KCNH7: variants seen among roughly 807,000 people sequenced by gnomAD.
KCNH7 encodes potassium voltage-gated channel subfamily H member 7.
In KCNH7, 49 loss-of-function variants were observed where a neutral mutation model predicts 120.8. The ratio of observed to expected loss-of-function variants is 0.41; its 90% confidence interval spans 0.32 to 0.51. KCNH7 has a LOEUF of 0.51. KCNH7 is among the 20% of genes least tolerant of loss of function. KCNH7 has a pLI of 0.38. For synonymous variants in KCNH7, 547 were observed against 516.1 expected (o/e 1.06, Z -0.81); for missense variants, 1,097 against 1,446.6 (o/e 0.76, Z 3.92).
intron 4 of KCNH7, 84 bp from the exon 5 acceptor site, chr2:162,512,758 A>G (rs562368795): frequency 7.7e-6 from 8 of 1,033,008 alleles, no homozygotes; most frequent in Non-Finnish European, 1.1e-5. Flanking sequence ...TACCTGTATA[A>G]AAACAATCAG....
At chr2:162,461,876 C>T (rs1689158282) in intron 6 of KCNH7, among the ~76,000 whole-genome samples, 1 of 152,126 alleles carries the variant, frequency 6.6e-6, no homozygotes, top group African/African-American at 2.4e-5. Flanking sequence ...GAAAATGGAA[C>T]ATCTGATGGG....
chr2:162,674,088 AAAG>A (rs1286661931), intron 2 of KCNH7, among the ~76,000 whole-genome samples: 2 of 151,912 alleles, frequency 1.3e-5, no homozygotes, highest in African/African-American at 2.4e-5. Context: ...ATGAATTGAA[AAAG>A]AAGAATTTGC....
At chr2:162,646,041 A>G (rs1684348515) in intron 2 of KCNH7, among the ~76,000 whole-genome samples, 1 of 152,208 alleles carries the variant, frequency 6.6e-6, no homozygotes, top group Admixed American at 6.5e-5. Flanking sequence ...TATACAATCC[A>G]TGTGGTCAAA....
chr2:162,743,141 A>T (rs1439799709), intron 2 of KCNH7, among the ~76,000 whole-genome samples: 1 of 152,098 alleles, frequency 6.6e-6, no homozygotes, highest in East Asian at 1.9e-4. Flanking sequence ...ATACCTCTGT[A>T]TGACAGAGTC....
intron 4 of KCNH7, 26 bp downstream of exon 4, chr2:162,517,704 T>G: frequency 6.6e-7 from 1 of 1,517,888 alleles, no homozygotes; most frequent in Non-Finnish European, 8.9e-7. Flanking sequence ...AATATATGTT[T>G]CCATTTAAAA....
rs1439606170 is a variant in KCNH7 at position 162,820,208 on chromosome 2, T to TG, written c.307+16328_307+16329insC. 2.0e-3 allele frequency among the ~76,000 whole-genome samples: 267 copies of TG among 132,380 alleles called. 1 individual carries two copies. Among genetic ancestry groups the TG allele is most frequent in the Admixed American group, 3.4e-3 (42 of 12,376 alleles). The allele number at this position is 132,380 out of a possible 152,430, so 86.8% of individuals were successfully genotyped here. On this transcript the variant is annotated intron_variant, in intron 2 of 15. Transcript: ENST00000332142. ...GCGCCCAGCACCACGCCCGGCTAAT[T>TG]TTGTGTGTGTGTGTGTGTGTGTGTG...
intron 2 of KCNH7, among the ~76,000 whole-genome samples, chr2:162,766,577 T>C (rs1682817659): frequency 6.6e-6 from 1 of 152,168 alleles, no homozygotes; most frequent in Admixed American, 6.6e-5. Flanking sequence ...GTTTGTTTGA[T>C]TCCTATTTAT....
intron 8 of KCNH7, among the ~76,000 whole-genome samples, chr2:162,431,971 C>G (rs1688085586): frequency 6.6e-6 from 1 of 151,866 alleles, no homozygotes; most frequent in Non-Finnish European, 1.5e-5. Context: ...ACGTATTTTA[C>G]TTAATCCTCA....
At chr2:162,688,988 G>A (rs1574268743) in intron 2 of KCNH7, among the ~76,000 whole-genome samples, 1 of 152,046 alleles carries the variant, frequency 6.6e-6, no homozygotes, top group African/African-American at 2.4e-5. Flanking sequence ...TACCTTGACA[G>A]AGTTGTAAAT....
intron 2 of KCNH7, among the ~76,000 whole-genome samples, chr2:162,753,340 T>C (rs1688673707): frequency 6.6e-6 from 1 of 152,136 alleles, no homozygotes; most frequent in Non-Finnish European, 1.5e-5. Flanking sequence ...AATGGACACA[T>C]ACACAATTTT....
intron 6 of KCNH7, among the ~76,000 whole-genome samples, chr2:162,481,798 ATGTGCAGTTTATT>A (rs1689936754): frequency 6.6e-6 from 1 of 152,214 alleles, no homozygotes; most frequent in Non-Finnish European, 1.5e-5. Context: ...ATTAAATAAA[ATGTGCAGTTTATT>A]TAGCCCAATT....
chr2:162,760,802 T>G (rs1688942421), intron 2 of KCNH7, among the ~76,000 whole-genome samples: 1 of 152,122 alleles, frequency 6.6e-6, no homozygotes, highest in African/African-American at 2.4e-5. Context: ...ATATGCTTTA[T>G]TGAATACTTA....
intron 2 of KCNH7, among the ~76,000 whole-genome samples, chr2:162,687,982 AC>A (rs1409445993): frequency 1.3e-5 from 2 of 152,186 alleles, no homozygotes; most frequent in African/African-American, 4.8e-5. Context: ...AAGCAAATTT[AC>A]TAGTGATAAT....
At chr2:162,514,777 G>C (rs1313365252) in intron 4 of KCNH7, among the ~76,000 whole-genome samples, 1 of 151,776 alleles carries the variant, frequency 6.6e-6, no homozygotes, top group Non-Finnish European at 1.5e-5. Flanking sequence ...AAGATGGTTT[G>C]AAAAGTATGG....
intron 15 of KCNH7, among the ~76,000 whole-genome samples, chr2:162,372,882 G>A (rs1214117054): frequency 6.6e-6 from 1 of 152,110 alleles, no homozygotes; most frequent in Non-Finnish European, 1.5e-5. Flanking sequence ...GCAGGATAAA[G>A]GACTCTTTAA....
chr2:162,601,021 T>C (rs1423071903), intron 2 of KCNH7, among the ~76,000 whole-genome samples: 1 of 152,142 alleles, frequency 6.6e-6, no homozygotes, highest in Non-Finnish European at 1.5e-5. Flanking sequence ...AGTTCTTTTT[T>C]GCTCTAAGAT....
intron 6 of KCNH7, among the ~76,000 whole-genome samples, chr2:162,463,422 T>C (rs1318640112): frequency 6.6e-6 from 1 of 151,942 alleles, no homozygotes; most frequent in East Asian, 1.9e-4. Flanking sequence ...TTCTGCTTTA[T>C]TGTTTCATCT....
At chr2:162,537,759 C>T (rs1692158463) in intron 2 of KCNH7, among the ~76,000 whole-genome samples, 1 of 152,002 alleles carries the variant, frequency 6.6e-6, no homozygotes, top group African/African-American at 2.4e-5. Flanking sequence ...AATTACAGGG[C>T]TAGTAAGCTA....
chr2:162,620,103 C>G (rs1683292674), intron 2 of KCNH7, among the ~76,000 whole-genome samples: 1 of 147,380 alleles, frequency 6.8e-6, no homozygotes, highest in African/African-American at 2.5e-5. Flanking sequence ...TATAAAAAAT[C>G]TATAAAAAAA....
Sources: gnomAD v4.1 joint callset for allele counts (sites outside exome capture counted in the v4.1 genomes callset) on GRCh38, gnomAD v4.1.1 for gene constraint, MANE v1.5 for transcripts, NCBI Gene and HGNC (gene_info 2026-07-23, HGNC 2026-07-21) for gene names.